Variants in DPY19L3 observed in about 807,000 individuals in gnomAD.
DPY19L3 encodes dpy-19 like C-mannosyltransferase 3, also known as protein C-mannosyl-transferase DPY19L3.
DPY19L3 carries 51 observed loss-of-function variants against 92.3 expected under a neutral mutation model. The observed-to-expected ratio is 0.55, with a 90% CI of 0.44 to 0.70. The LOEUF (loss-of-function observed/expected upper bound fraction) is 0.70. Among genes scored for constraint, DPY19L3 ranks in the 30% least tolerant of loss-of-function variants. DPY19L3 has a pLI of 0.00. For synonymous variants in DPY19L3, 309 were observed against 315.2 expected (o/e 0.98, Z 0.21); for missense variants, 706 against 855.9 (o/e 0.82, Z 2.18).
chr19:32,441,254 T>C (rs1277602710), intron 8 of DPY19L3, among the ~76,000 whole-genome samples: 3 of 152,124 alleles, frequency 2.0e-5, no homozygotes, highest in Non-Finnish European at 4.4e-5. Flanking sequence ...AAACTGGAAA[T>C]GACTTGAGCC....
At chr19:32,471,519 C>T (rs1039731818) in intron 16 of DPY19L3, among the ~76,000 whole-genome samples, 4 of 152,192 alleles carry the variant, frequency 2.6e-5, no homozygotes, top group African/African-American at 4.8e-5. Context: ...CATTTTGGCA[C>T]AGGGCACCCC....
In DPY19L3 at chr19:32,463,973, C is replaced by T. The variant is rs760555635; in HGVS notation, c.1550C>T (p.Pro517Leu). ...CTGAAGTCAGTCCATCTTTATAACC[C>T]AAAGAGGGTCAGTGTCATCCCTTTT... is the stretch of plus-strand genomic sequence containing the variant. Reference protein sequence around the residue: ...LLLKSVHLYNPKRICIMRYSV... With the variant: ...LLLKSVHLYNLKRICIMRYSV... The change falls in exon 14 of 19, where the codon CCA becomes CTA. Residue 517 changes from proline to leucine, a missense_variant. Pro to Leu is a moderately conservative substitution (Grantham distance 98, BLOSUM62 -3). Coordinates refer to ENST00000392250, the MANE Select transcript of DPY19L3 (RefSeq NM_001172774.2). 3.0e-5 allele frequency: 49 copies of T among 1,607,662 alleles called. No homozygotes were observed. Among genetic ancestry groups the T allele is most frequent in the Non-Finnish European group, 4.0e-5 (47 of 1,174,968 alleles).
intron 12 of DPY19L3, among the ~76,000 whole-genome samples, chr19:32,458,880 G>C (rs1157142611): frequency 6.6e-6 from 1 of 152,144 alleles, no homozygotes; most frequent in East Asian, 1.9e-4. Flanking sequence ...ATAGTGTCTG[G>C]TGCCTAGACT....
At chr19:32,477,470 T>G in intron 16 of DPY19L3, 52 bp from the exon 17 acceptor site, 5 of 1,605,770 alleles carry the variant, frequency 3.1e-6, no homozygotes, top group Non-Finnish European at 4.3e-6. Context: ...TTCTTTGTTG[T>G]CTTTAAGGAT....
chr19:32,479,642 C>T (rs1212683760), intron 17 of DPY19L3: 1 of 420,884 alleles, frequency 2.4e-6, no homozygotes. Context: ...ACAAAGGAGG[C>T]AGTGCCTCTC....
intron 16 of DPY19L3, among the ~76,000 whole-genome samples, chr19:32,473,564 A>G (rs533734067): frequency 2.0e-5 from 3 of 152,360 alleles, no homozygotes; most frequent in East Asian, 3.9e-4. Context: ...GACAGTGAAT[A>G]TAAGTATCTT....
intron 3 of DPY19L3, among the ~76,000 whole-genome samples, chr19:32,416,492 T>G (rs977530561): frequency 2.6e-5 from 4 of 152,198 alleles, no homozygotes; most frequent in African/African-American, 9.7e-5. Flanking sequence ...AACCCTCACT[T>G]CTGACCAGCT....
intron 3 of DPY19L3, among the ~76,000 whole-genome samples, chr19:32,414,292 G>T (rs1347317600): frequency 6.6e-6 from 1 of 151,986 alleles, no homozygotes. Flanking sequence ...ATGGTGGCGG[G>T]CACCTGTAGT....
intron 16 of DPY19L3, among the ~76,000 whole-genome samples, chr19:32,472,329 G>A (rs1339017511): frequency 6.6e-6 from 1 of 152,078 alleles, no homozygotes; most frequent in East Asian, 1.9e-4. Flanking sequence ...CCCAGGCTGC[G>A]GTAGCCCCAG....
At position 32,439,820 on chromosome 19, in the gene DPY19L3, T is replaced by C. The variant is rs1969266237; in HGVS notation, c.765T>C (p.Ser255=). ...LAIFISTFLF[S]LTWQFNQFMM... ...TTTTCATATCAACTTTTCTCTTTAG[T>C]CTGACATGGCAATTTAATCAATTTA... The change falls in exon 8 of 19, where the codon AGT becomes AGC. Residue 255 remains serine (S), a synonymous_variant. Coordinates refer to ENST00000392250, the MANE Select transcript of DPY19L3 (RefSeq NM_001172774.2). 1 of 1,613,818 alleles carries C rather than the reference T, an allele frequency of 6.2e-7. No individual in the cohort carries two copies. Among genetic ancestry groups the C allele is most frequent in the African/African-American group, 1.3e-5 (1 of 74,910 alleles).
At chr19:32,474,027 T>A (rs932542458) in intron 16 of DPY19L3, among the ~76,000 whole-genome samples, 1 of 152,146 alleles carries the variant, frequency 6.6e-6, no homozygotes, top group Admixed American at 6.5e-5. Flanking sequence ...GGTCTCGAAC[T>A]CCTGACCTCA....
At chr19:32,409,823 A>G (rs552718161) in intron 2 of DPY19L3, among the ~76,000 whole-genome samples, 1 of 152,182 alleles carries the variant, frequency 6.6e-6, no homozygotes, top group African/African-American at 2.4e-5. Context: ...AATCTCACCA[A>G]CCTGTTTATA....
rs1025927820 is a variant in DPY19L3, at chr19:32,482,191, T to C, written c.2102T>C (p.Val701Ala). The C allele has an allele frequency of 3.1e-6, 5 of 1,613,684 alleles. No individual in the cohort carries two copies. The highest frequency in any genetic ancestry group is 2.7e-5 in the African/African-American group (2 of 74,860). The change falls in exon 19 of 19, where the codon GTG becomes GCG. Residue 701 changes from valine to alanine, a missense_variant. Coordinates refer to ENST00000392250, the MANE Select transcript of DPY19L3 (RefSeq NM_001172774.2). ...LPPYVAYFTR[V>A]FQNKTFHVYK... ...CCCTACGTGGCCTACTTCACCAGAG[T>C]GTTCCAGAACAAAACCTTCCACGTT...
intron 18 of DPY19L3, 92 bp from the exon 19 acceptor site, chr19:32,481,987 C>G: frequency 7.3e-7 from 1 of 1,375,672 alleles, no homozygotes; most frequent in South Asian, 1.4e-5. Context: ...ACTCACATAC[C>G]ATTCTTAAAC....
In DPY19L3 at chr19:32,436,585, G is replaced by T; in HGVS notation, c.450+18G>T. 2 of 1,449,740 alleles carry T rather than the reference G, an allele frequency of 1.4e-6. No homozygotes were observed. Among genetic ancestry groups the T allele is most frequent in the South Asian group, 1.5e-5 (1 of 65,900 alleles). The allele number at this position is 1,449,740 out of a possible 1,614,324, so 89.8% of individuals were successfully genotyped here. A position where few individuals can be genotyped will look rare whatever the true frequency, so the allele number is the denominator to read the frequency against. ...CCATACAGGTATGTTTTGTGATATTGAATTATTAATATCAGATGAAAGTCA... is the reference window on the plus strand; with the variant it reads ...CCATACAGGTATGTTTTGTGATATTTAATTATTAATATCAGATGAAAGTCA... On this transcript the variant is annotated intron_variant, in intron 5 of 18. Transcript: ENST00000392250.
chr19:32,408,393 T>C (rs1203980850), intron 2 of DPY19L3, 37 bp downstream of exon 2: 2 of 1,496,430 alleles, frequency 1.3e-6, no homozygotes. Context: ...TTTGGGTTGC[T>C]TTTATTTCTG....
At chr19:32,424,495 G>A (rs1401930126) in intron 3 of DPY19L3, among the ~76,000 whole-genome samples, 1 of 151,818 alleles carries the variant, frequency 6.6e-6, no homozygotes, top group Non-Finnish European at 1.5e-5. Context: ...GCCAGGCTTG[G>A]TGGCACACAG....
chr19:32,419,206 G>C (rs1275861921), intron 3 of DPY19L3, among the ~76,000 whole-genome samples: 1 of 150,654 alleles, frequency 6.6e-6, no homozygotes, highest in Non-Finnish European at 1.5e-5. Flanking sequence ...TGTCGCCCAG[G>C]CTGGAGTGCA....
chr19:32,408,611 C>T (rs1229125744), intron 2 of DPY19L3, among the ~76,000 whole-genome samples: 1 of 152,170 alleles, frequency 6.6e-6, no homozygotes, highest in Non-Finnish European at 1.5e-5. Flanking sequence ...TCCTTTGACT[C>T]TCTAGAGTAA....
Sources: allele counts gnomAD v4.1 joint callset (sites outside exome capture counted in the v4.1 genomes callset), GRCh38; gene constraint gnomAD v4.1.1; transcripts MANE v1.5; gene names NCBI Gene and HGNC (gene_info 2026-07-23, HGNC 2026-07-21).